Variants in TM7SF3 observed in about 807,000 individuals in gnomAD.
The protein encoded by TM7SF3 is transmembrane 7 superfamily member 3.
In TM7SF3, 60 loss-of-function variants were observed where a neutral mutation model predicts 65.5. The ratio of observed to expected loss-of-function variants is 0.92; its 90% CI spans 0.74 to 1.14. The LOEUF (loss-of-function observed/expected upper bound fraction) is 1.14. TM7SF3 is among the 50% of genes most tolerant of loss of function. TM7SF3 has a pLI of 0.00. For synonymous variants in TM7SF3, 264 were observed against 259.6 expected (o/e 1.02, Z -0.16); for missense variants, 623 against 684.8 (o/e 0.91, Z 1.01).
chr12:27,008,696 G>C (rs1028073009), intron 1 of TM7SF3, among the ~76,000 whole-genome samples: 6 of 152,200 alleles, frequency 3.9e-5, no homozygotes, highest in African/African-American at 1.4e-4. Flanking sequence ...TTTACACATG[G>C]TGTAAGATAG....
intron 5 of TM7SF3, among the ~76,000 whole-genome samples, chr12:26,992,667 C>G (rs895173052): frequency 6.6e-6 from 1 of 152,146 alleles, no homozygotes. Context: ...AGCTATTACC[C>G]GTGTGGTTAA....
chr12:27,009,746 A>G (rs1009285192), intron 1 of TM7SF3, among the ~76,000 whole-genome samples: 5 of 152,178 alleles, frequency 3.3e-5, no homozygotes, highest in Admixed American at 3.3e-4. Flanking sequence ...TCACCAATAT[A>G]TCTTTTATAA....
rs534076590 is a variant in TM7SF3, at chr12:27,004,261, G to A, written c.92-871C>T. On this transcript the variant is annotated intron_variant, in intron 1 of 11. Transcript: ENST00000343028. ...AATTAGGTTGCTTTTACTCCTGTGC[G>A]GTCCTGGATTCCTACCCCACCCCCC... 9.2e-5 allele frequency among the ~76,000 whole-genome samples: 14 copies of A among 152,006 alleles called. 1 individual carries two copies. In the South Asian group the frequency reaches 1.2e-3, roughly 14 times the overall value.
In TM7SF3 at chr12:27,014,326, G is replaced by C. The variant is rs1204372444; in HGVS notation, c.-158C>G. ...CTTCGCACCTGCCAGCTCCGCAGCC[G>C]CCGGCGCGCGCCCCGCCGAACTCCT... On this transcript the variant is annotated 5_prime_UTR_variant, in exon 1 of 12. Transcript: ENST00000343028. 1 of 430,934 alleles carries C rather than the reference G, an allele frequency of 2.3e-6. No homozygotes were observed. The highest frequency in any genetic ancestry group is 2.1e-5 in the African/African-American group (1 of 47,876). The allele number at this position is 430,934 out of a possible 1,614,324, so 26.7% of individuals were successfully genotyped here. A position where few individuals can be genotyped will look rare whatever the true frequency, so the allele number is the denominator to read the frequency against.
chr12:26,999,424 A>G, intron 3 of TM7SF3, 102 bp downstream of exon 3: 1 of 1,278,240 alleles, frequency 7.8e-7, no homozygotes, highest in Non-Finnish European at 1.1e-6. Flanking sequence ...TATATAAATT[A>G]TACTTGCAAC....
At chr12:27,001,917 GGGCA>G (rs1940845509) in intron 2 of TM7SF3, among the ~76,000 whole-genome samples, 3 of 152,082 alleles carry the variant, frequency 2.0e-5, no homozygotes, top group South Asian at 2.1e-4. Context: ...CAAAGAACTT[GGGCA>G]AATTCGACGT....
At chr12:26,986,566 A>C (rs1317653555) in intron 6 of TM7SF3, among the ~76,000 whole-genome samples, 1 of 151,256 alleles carries the variant, frequency 6.6e-6, no homozygotes, top group Admixed American at 6.6e-5. Flanking sequence ...AATCTTCCTC[A>C]CTGTGCTTTA....
intron 1 of TM7SF3, among the ~76,000 whole-genome samples, chr12:27,005,511 T>C (rs1940997714): frequency 6.6e-6 from 1 of 152,168 alleles, no homozygotes; most frequent in East Asian, 1.9e-4. Context: ...CTATCTCCCA[T>C]GACATGAGCC....
intron 5 of TM7SF3, among the ~76,000 whole-genome samples, chr12:26,993,052 C>CGT (rs1380515523): frequency 6.6e-6 from 1 of 151,738 alleles, no homozygotes; most frequent in Non-Finnish European, 1.5e-5. Flanking sequence ...ACTACAGGCA[C>CGT]GCACCACCAC....
At chr12:26,988,722 A>T (rs1003876964) in intron 6 of TM7SF3, among the ~76,000 whole-genome samples, 10 of 150,164 alleles carry the variant, frequency 6.7e-5, no homozygotes, top group African/African-American at 2.5e-4. Context: ...GTATCTATAC[A>T]TACACAGTCG....
At chr12:27,011,000 T>C (rs1444701783) in intron 1 of TM7SF3, among the ~76,000 whole-genome samples, 2 of 152,214 alleles carry the variant, frequency 1.3e-5, no homozygotes, top group Non-Finnish European at 2.9e-5. Context: ...AACCAAATTC[T>C]AAGAGAAATC....
At position 26,972,630 on chromosome 12, in the gene TM7SF3, A is replaced by G. The variant is rs2136369173; in HGVS notation, c.*1335T>C. On this transcript the variant is annotated 3_prime_UTR_variant, in exon 12 of 12. Transcript: ENST00000343028. ...AGGGTGTAGTAGTATATATTCTACT[A>G]TACTATAGTAGAGACCACTATGTTG... 6.6e-6 allele frequency: 1 copy of G among 152,120 alleles called. No homozygotes were observed. The highest frequency in any genetic ancestry group is 2.4e-5 in the African/African-American group (1 of 41,520). 9.4% of individuals were successfully genotyped at this position (152,120 alleles called of 1,614,324 possible).
chr12:27,014,093 C>G lies in TM7SF3; in HGVS notation c.76G>C (p.Gly26Arg). Residue 26 changes from glycine (G) to arginine (R), a missense_variant, in exon 1 of 12, where the codon GGG (glycine) becomes CGG (arginine). Physicochemically the swap from Gly to Arg is moderately radical, Grantham distance 125 (BLOSUM62 -2). Transcript: ENST00000343028. ...CCGACCTTACCCTCGCTGGAATTCC[C>G]GAAGACCTCGGCTGCACCAGCCACC... ...HRVAGAAEVF[G>R]NSSEGLIEFS... The G allele has an allele frequency of 6.4e-7, 1 of 1,570,560 alleles. No individual in the cohort carries two copies. The highest frequency in any genetic ancestry group is 8.6e-7 in the Non-Finnish European group (1 of 1,157,610).
At chr12:26,999,812 G>A in intron 2 of TM7SF3, 136 bp from the exon 3 acceptor site, 2 of 842,752 alleles carry the variant, frequency 2.4e-6, no homozygotes, top group Non-Finnish European at 3.6e-6. Flanking sequence ...AAATAACCAG[G>A]GAATTCTTTT....
At chr12:26,996,617 T>C (rs972900382) in intron 4 of TM7SF3, 125 bp downstream of exon 4, 2 of 946,862 alleles carry the variant, frequency 2.1e-6, no homozygotes, top group Non-Finnish European at 3.1e-6. Context: ...ATTACATCAA[T>C]TCCCCCCAAA....
chr12:27,008,237 G>C (rs570329344), intron 1 of TM7SF3, among the ~76,000 whole-genome samples: 1 of 152,146 alleles, frequency 6.6e-6, no homozygotes, highest in Non-Finnish European at 1.5e-5. Flanking sequence ...TATCTGCTGA[G>C]TATATAGTGG....
In TM7SF3 at chr12:27,003,427, C is replaced by T. The variant is rs375443536; in HGVS notation, c.92-37G>A. On this transcript the variant is annotated intron_variant, in intron 1 of 11. Coordinates refer to ENST00000343028, the MANE Select transcript of TM7SF3 (RefSeq NM_016551.3). Reference sequence around the variant, plus strand: ...TAAACTTTTCATTACAACACTTGTACTCTCATATCAATTTGCAGAAATCAT... The same window carrying T: ...TAAACTTTTCATTACAACACTTGTATTCTCATATCAATTTGCAGAAATCAT... 2.6e-6 allele frequency: 4 copies of T among 1,546,518 alleles called. No homozygotes were observed. The African/African-American group carries it at 4.1e-5, about 16-fold the overall frequency.
intron 3 of TM7SF3, 96 bp from the exon 4 acceptor site, chr12:26,996,958 C>A: frequency 7.7e-7 from 1 of 1,304,910 alleles, no homozygotes; most frequent in South Asian, 1.5e-5. Context: ...ACAAAAACTT[C>A]CCAAATAGAA....
intron 6 of TM7SF3, among the ~76,000 whole-genome samples, chr12:26,988,244 C>T (rs1187765505): frequency 6.6e-6 from 1 of 152,078 alleles, no homozygotes; most frequent in Non-Finnish European, 1.5e-5. Context: ...CTCACTGCAG[C>T]CTCAACCTTC....
Sources: gnomAD v4.1 joint callset for allele counts (sites outside exome capture counted in the v4.1 genomes callset) on GRCh38, gnomAD v4.1.1 for gene constraint, MANE v1.5 for transcripts, NCBI Gene and HGNC (gene_info 2026-07-23, HGNC 2026-07-21) for gene names.